Variants in CPS1 observed in about 807,000 individuals in gnomAD.
The protein encoded by CPS1 is carbamoyl-phosphate synthase [ammonia], mitochondrial.
Under a neutral mutation model 174.6 loss-of-function variants are expected in CPS1, and 109 were observed. The ratio of observed to expected loss-of-function variants is 0.62; its 90% CI spans 0.53 to 0.73. CPS1 has a LOEUF of 0.73. Among genes scored for constraint, CPS1 ranks in the 30% least tolerant of loss-of-function variants. The pLI is 0.00. For missense variants in CPS1, 1,689 were observed against 1,821.9 expected (o/e 0.93, Z 1.33); for synonymous variants, 637 against 632.0 (o/e 1.01, Z -0.12).
intron 1 of CPS1, among the ~76,000 whole-genome samples, chr2:210,527,525 G>T (rs1696005893): frequency 6.6e-6 from 1 of 151,820 alleles, no homozygotes; most frequent in Non-Finnish European, 1.5e-5. Context: ...GATTTGGAAG[G>T]AGTAACCTGG....
At chr2:210,562,298 C>A (rs72934385) in intron 1 of CPS1, among the ~76,000 whole-genome samples, 140 of 152,096 alleles carry the variant, frequency 9.2e-4, no homozygotes, top group African/African-American at 2.9e-3. Flanking sequence ...AACCAAAGAC[C>A]GATGACTTAA....
intron 6 of CPS1, among the ~76,000 whole-genome samples, chr2:210,584,216 CT>C (rs1022162383): frequency 2.0e-5 from 3 of 152,012 alleles, no homozygotes; most frequent in African/African-American, 7.2e-5. Flanking sequence ...TACCATGGGG[CT>C]TTACATGTGG....
upstream of CPS1, among the ~76,000 whole-genome samples, chr2:210,554,155 A>G (rs1696817802): frequency 1.5e-5 from 2 of 131,742 alleles, no homozygotes; most frequent in Admixed American, 1.6e-4. Context: ...GTATATATAC[A>G]CACACATATA....
chr2:210,556,470 T>C, upstream of CPS1: 5 of 863,616 alleles, frequency 5.8e-6, no homozygotes, highest in South Asian at 7.1e-5. Context: ...CAGGAGAAGG[T>C]AGTATTTGAT....
chr2:210,673,632 G>A (rs1338645054), intron 34 of CPS1: 1 of 152,094 alleles, frequency 6.6e-6, no homozygotes, highest in Non-Finnish European at 1.5e-5. Flanking sequence ...GGATGTAAGG[G>A]CAGGAATCTA....
At chr2:210,659,909 A>T (rs1212057468) in intron 31 of CPS1, among the ~76,000 whole-genome samples, 7 of 152,182 alleles carry the variant, frequency 4.6e-5, no homozygotes, top group Admixed American at 2.6e-4. Context: ...TGTATTGTGA[A>T]CTGGATCTCG....
In CPS1 at chr2:210,590,187, C is replaced by T; in HGVS notation, c.793C>T (p.Pro265Ser). Reference protein sequence around the residue: ...EYDGILIAGGPGNPALAEPLI... With the variant: ...EYDGILIAGGSGNPALAEPLI... ...TGATGGGATTTTGATCGCGGGAGGA[C>T]CGGGGAACCCAGCTCTTGCAGAACC... is the stretch of plus-strand genomic sequence containing the variant. Residue 265 changes from proline to serine, a missense_variant, in exon 8 of 38, where the codon CCG becomes TCG. Coordinates refer to ENST00000233072, the MANE Select transcript of CPS1 (RefSeq NM_001875.5). The T allele has an allele frequency of 6.2e-7, 1 of 1,612,834 alleles. No individual in the cohort carries two copies. The highest frequency in any genetic ancestry group is 8.5e-7 in the Non-Finnish European group (1 of 1,179,184).
chr2:210,639,864 A>G (rs776577696), intron 23 of CPS1, 132 bp from the exon 24 acceptor site: 27 of 697,184 alleles, frequency 3.9e-5, no homozygotes, highest in Non-Finnish European at 6.6e-5. Context: ...ATGGGTTTCC[A>G]GAGACTAATA....
chr2:210,528,643 T>C (rs905210561), intron 1 of CPS1, among the ~76,000 whole-genome samples: 2 of 151,790 alleles, frequency 1.3e-5, no homozygotes, highest in African/African-American at 4.8e-5. Context: ...TGGTGAACCT[T>C]GTGAACTAGG....
chr2:210,573,035 T>G (rs367750728), intron 1 of CPS1, among the ~76,000 whole-genome samples: 7 of 152,174 alleles, frequency 4.6e-5, no homozygotes, highest in Admixed American at 3.3e-4. Context: ...TTAACAACTC[T>G]ACAAGTAAAC....
At chr2:210,659,452 A>T (rs1365442597) in intron 31 of CPS1, among the ~76,000 whole-genome samples, 1 of 152,150 alleles carries the variant, frequency 6.6e-6, no homozygotes, top group Non-Finnish European at 1.5e-5. Flanking sequence ...TAGGTGAAGG[A>T]TGCTACCCCA....
chr2:210,528,684 T>C (rs1696037452), intron 1 of CPS1, among the ~76,000 whole-genome samples: 1 of 151,902 alleles, frequency 6.6e-6, no homozygotes, highest in Admixed American at 6.6e-5. Context: ...ACTACGTTGT[T>C]ATTCATTTAG....
intron 13 of CPS1, 46 bp downstream of exon 13, chr2:210,595,628 G>A (rs1698458618): frequency 1.6e-6 from 2 of 1,231,866 alleles, no homozygotes; most frequent in Middle Eastern, 3.8e-4. Context: ...TTCCTTTAAT[G>A]AGTCTAATTA....
At chr2:210,484,781 G>A (rs1304039702) in intron 1 of CPS1, among the ~76,000 whole-genome samples, 2 of 152,150 alleles carry the variant, frequency 1.3e-5, no homozygotes, top group Non-Finnish European at 2.9e-5. Flanking sequence ...ATTTTAGTAG[G>A]TGTAGGAGAT....
At position 210,657,129 on chromosome 2, in the gene CPS1, T is replaced by TC. The variant is rs1279503389; in HGVS notation, c.3666+498dup. On this transcript the variant is annotated intron_variant, in intron 30 of 37. Transcript: ENST00000233072. ...GAGTGGTGAAACAGGTGTGGACCAG[T>TC]CACTTGAGAACTTTCTGGAATCTAT... Among the ~76,000 whole-genome samples the TC allele has an allele frequency of 8.5e-5, 13 of 152,210 alleles. No homozygotes were observed. The East Asian group carries it at 2.5e-3, about 29-fold the overall frequency.
rs545735332 is a variant in CPS1 at position 210,649,045 on chromosome 2, A to T, written c.3404+505A>T. Among the ~76,000 whole-genome samples, 175 of 152,366 alleles carry T rather than the reference A, an allele frequency of 1.1e-3. 4 individuals carry two copies. Among genetic ancestry groups the T allele is most frequent in the African/African-American group, 3.8e-3 (159 of 41,600 alleles). On this transcript the variant is annotated intron_variant, in intron 27 of 37. Transcript: ENST00000233072. ...TTAAACTTTAAAACAAAGTTTTATC[A>T]TAAAAGAAGAAGTTGTGAATTATCA...
chr2:210,634,673 G>A (rs144564563), intron 21 of CPS1, among the ~76,000 whole-genome samples: 12 of 152,230 alleles, frequency 7.9e-5, no homozygotes, highest in Non-Finnish European at 1.8e-4. Context: ...CATATCATTG[G>A]CTATTTGTGC....
At chr2:210,647,717 C>T (rs1700423879) in intron 25 of CPS1, 146 bp from the exon 26 acceptor site, 2 of 1,070,412 alleles carry the variant, frequency 1.9e-6, no homozygotes, top group Non-Finnish European at 2.8e-6. Context: ...TTTGTGGCAT[C>T]ATTTAACAGT....
At chr2:210,508,360 C>G (rs1695348478) in intron 1 of CPS1, among the ~76,000 whole-genome samples, 1 of 151,708 alleles carries the variant, frequency 6.6e-6, no homozygotes, top group Admixed American at 6.6e-5. Context: ...ACCAGAATCT[C>G]TGGGACACAT....
Sources: allele counts gnomAD v4.1 joint callset (sites outside exome capture counted in the v4.1 genomes callset), GRCh38; gene constraint gnomAD v4.1.1; transcripts MANE v1.5; gene names NCBI Gene and HGNC (gene_info 2026-07-23, HGNC 2026-07-21).